RIMS1: variants seen among roughly 807,000 people sequenced by gnomAD.
RIMS1 encodes regulating synaptic membrane exocytosis 1.
A neutral mutation model predicts 214.1 loss-of-function variants in RIMS1; 83 were observed. The ratio of observed to expected loss-of-function variants is 0.39; its 90% CI spans 0.32 to 0.47. RIMS1 has a LOEUF of 0.47. Ranked by LOEUF, RIMS1 falls within the 20% of genes least tolerant of loss-of-function variation. The pLI is 0.99. For missense variants in RIMS1, 2,050 were observed against 2,161.8 expected, an observed-to-expected ratio of 0.95 and a Z score of 1.03; for synonymous variants, 793 against 786.8, an observed-to-expected ratio of 1.01 and a Z score of -0.13.
chr6:72,242,580 A>G, intron 10 of RIMS1, 143 bp downstream of exon 10: 1 of 550,406 alleles, frequency 1.8e-6, no homozygotes, highest in Non-Finnish European at 3.0e-6. Flanking sequence ...TTAGATTACT[A>G]AAAATTTCTT....
intron 33 of RIMS1, 47 bp from the exon 34 acceptor site, chr6:72,400,449 G>A: frequency 6.5e-7 from 1 of 1,536,280 alleles, no homozygotes; most frequent in South Asian, 1.1e-5. Flanking sequence ...CTTCGAATGT[G>A]AAGCAGAGAG....
At position 72,251,334 on chromosome 6, in the gene RIMS1, T is replaced by A; in HGVS notation, c.2664T>A (p.His888Gln). The stretch of plus-strand genomic sequence containing the variant: ...CATCACCTTTCATGCCAAGGCGACA[T>A]ATTCATGGAGAAAGCTCTAGCAAAA... Reference protein sequence around the residue: ...PQPSPFMPRRHIHGESSSKKL... With the variant: ...PQPSPFMPRRQIHGESSSKKL... Residue 888 changes from histidine (H) to glutamine (Q), a missense_variant, in exon 15 of 34, where the codon CAT becomes CAA. Transcript: ENST00000521978. The A allele has an allele frequency of 6.3e-7, 1 of 1,599,560 alleles. No homozygotes were observed. Among genetic ancestry groups the A allele is most frequent in the Non-Finnish European group, 8.5e-7 (1 of 1,172,852 alleles).
At chr6:72,166,337 C>A (rs2046262955) in intron 4 of RIMS1, among the ~76,000 whole-genome samples, 1 of 149,962 alleles carries the variant, frequency 6.7e-6, no homozygotes, top group Non-Finnish European at 1.5e-5. Flanking sequence ...TCCTATTGAG[C>A]TAGGCCTACA....
At chr6:72,122,204 T>A (rs1337452853) in intron 4 of RIMS1, among the ~76,000 whole-genome samples, 2 of 102,722 alleles carry the variant, frequency 1.9e-5, no homozygotes, top group Admixed American at 1.1e-4. Context: ...CTTTTCCTTT[T>A]TTCTTTTTTT....
chr6:71,942,183 A>C (rs1379232769), intron 1 of RIMS1, among the ~76,000 whole-genome samples: 1 of 152,204 alleles, frequency 6.6e-6, no homozygotes, highest in East Asian at 1.9e-4. Context: ...GCATATGGCA[A>C]TCATTGACTC....
At chr6:72,246,419 A>C (rs957779890) in intron 11 of RIMS1, among the ~76,000 whole-genome samples, 5 of 152,200 alleles carry the variant, frequency 3.3e-5, no homozygotes, top group African/African-American at 1.2e-4. Context: ...ACAGAAGATG[A>C]TATTGTGTGC....
intron 6 of RIMS1, among the ~76,000 whole-genome samples, chr6:72,219,789 C>T (rs2057765244): frequency 1.3e-5 from 2 of 151,438 alleles, no homozygotes; most frequent in South Asian, 4.2e-4. Context: ...CAAATTGCAA[C>T]AACTTTTTTA....
intron 6 of RIMS1, among the ~76,000 whole-genome samples, chr6:72,197,361 T>C (rs958807862): frequency 1.5e-4 from 23 of 151,926 alleles, no homozygotes; most frequent in Admixed American, 1.4e-3. Flanking sequence ...CCAAGACACA[T>C]TGACCCTGGA....
rs939443789 is a variant in RIMS1, at chr6:72,273,834, T to C, written c.3399-515T>C. Among the ~76,000 whole-genome samples the C allele has an allele frequency of 8.5e-5, 13 of 152,322 alleles. No homozygotes were observed. In the South Asian group the frequency reaches 1.4e-3, roughly 17 times the overall value. ...TTTCTTCATGTCACGGTTTCAACAC[T>C]GAAGAACACTTTTATTTCTTCTACT... On this transcript the variant is annotated intron_variant, in intron 22 of 33. Coordinates refer to ENST00000521978, the MANE Select transcript of RIMS1 (RefSeq NM_014989.7).
At chr6:71,938,995 G>A (rs1173139639) in intron 1 of RIMS1, among the ~76,000 whole-genome samples, 2 of 152,064 alleles carry the variant, frequency 1.3e-5, no homozygotes. Context: ...CTCACTGTAT[G>A]CAGTTAAAAG....
chr6:72,101,029 A>G (rs1041417290), intron 4 of RIMS1, among the ~76,000 whole-genome samples: 2 of 151,970 alleles, frequency 1.3e-5, no homozygotes, highest in African/African-American at 4.8e-5. Context: ...TATAATGCCA[A>G]TTTCATCAAT....
At chr6:72,263,186 A>G (rs1240411319) in intron 19 of RIMS1, 2 of 984,854 alleles carry the variant, frequency 2.0e-6, no homozygotes, top group Non-Finnish European at 2.4e-6. Flanking sequence ...TTGAAATTTA[A>G]TACACACAGC....
chr6:72,169,509 A>G (rs1239989668), intron 4 of RIMS1, among the ~76,000 whole-genome samples: 2 of 151,262 alleles, frequency 1.3e-5, no homozygotes, highest in Non-Finnish European at 2.9e-5. Context: ...GAAAAAGACC[A>G]GAAAAGAAAA....
Position 72,099,967 on chromosome 6 carries a change from T to C in RIMS1, c.460-8T>C. 2 of 1,605,112 alleles carry C rather than the reference T, an allele frequency of 1.2e-6. No individual in the cohort carries two copies. Among genetic ancestry groups the C allele is most frequent in the Non-Finnish European group, 1.7e-6 (2 of 1,172,688 alleles). On this transcript the variant is annotated splice_polypyrimidine_tract_variant and splice_region_variant and intron_variant, in intron 3 of 33. Coordinates refer to ENST00000521978, the MANE Select transcript of RIMS1 (RefSeq NM_014989.7). The stretch of plus-strand genomic sequence containing the variant: ...CTCTACTCTGCTTCCTTGGATGCTT[T>C]CCCAAAGGAGGACAAAGTGGTTAGA...
At chr6:72,127,083 C>T (rs1216406344) in intron 4 of RIMS1, among the ~76,000 whole-genome samples, 1 of 152,196 alleles carries the variant, frequency 6.6e-6, no homozygotes, top group African/African-American at 2.4e-5. Flanking sequence ...TTGCTTATAT[C>T]AGAGAAGAAA....
At chr6:71,938,039 C>A (rs1175508614) in intron 1 of RIMS1, among the ~76,000 whole-genome samples, 1 of 152,122 alleles carries the variant, frequency 6.6e-6, no homozygotes, top group Non-Finnish European at 1.5e-5. Flanking sequence ...TTCCAAAATA[C>A]AATGGTGAGA....
At chr6:72,253,542 A>C (rs576182723) in intron 16 of RIMS1, among the ~76,000 whole-genome samples, 73 of 152,284 alleles carry the variant, frequency 4.8e-4, no homozygotes, top group Non-Finnish European at 7.8e-4. Flanking sequence ...AAAATTTACT[A>C]ATGAGAGGAG....
chr6:72,176,172 C>T (rs1379729126), intron 4 of RIMS1, among the ~76,000 whole-genome samples: 1 of 152,188 alleles, frequency 6.6e-6, no homozygotes, highest in Non-Finnish European at 1.5e-5. Context: ...GTTTGGAACA[C>T]ATCCCAGGGT....
At chr6:71,918,835 G>C (rs972967326) in intron 1 of RIMS1, among the ~76,000 whole-genome samples, 5 of 152,086 alleles carry the variant, frequency 3.3e-5, no homozygotes, top group African/African-American at 1.2e-4. Context: ...AGACCAGGAG[G>C]GTAGTAGATG....
Sources: allele counts gnomAD v4.1 joint callset (sites outside exome capture counted in the v4.1 genomes callset), GRCh38; gene constraint gnomAD v4.1.1; transcripts MANE v1.5; gene names NCBI Gene and HGNC (gene_info 2026-07-23, HGNC 2026-07-21).